HDAC9: variants seen among roughly 807,000 people sequenced by gnomAD.
The protein encoded by HDAC9 is MEF-2 interacting transcription repressor (MITR) protein.
HDAC9 carries 41 observed loss-of-function variants against 139.4 expected under a neutral mutation model. The observed-to-expected ratio is 0.29, with a 90% CI of 0.23 to 0.38. The LOEUF is 0.38. HDAC9 is among the 10% of genes least tolerant of loss of function. HDAC9 has a pLI of 1.00. For missense variants in HDAC9, 1,147 were observed against 1,297.0 expected (o/e 0.88, Z 1.78); for synonymous variants, 517 against 476.2 (o/e 1.09, Z -1.12).
intron 22 of HDAC9, among the ~76,000 whole-genome samples, chr7:18,919,399 A>G (rs1217765920): frequency 6.6e-6 from 1 of 152,002 alleles, no homozygotes; most frequent in South Asian, 2.1e-4. Flanking sequence ...CACTTAAGCA[A>G]TCTTCCTAGA....
Position 18,298,433 on chromosome 7 carries a change from C to G in HDAC9, c.-42+7918C>G, listed in dbSNP as rs191987084. On this transcript the variant is annotated intron_variant, in intron 1 of 3. Transcript: ENST00000413509. The stretch of plus-strand genomic sequence containing the variant: ...GTATATCTTCCAATGCTATCCCTCC[C>G]CGCTCCCCACCCCACCACAGTCCCC... 2.6e-5 allele frequency among the ~76,000 whole-genome samples: 4 copies of G among 152,154 alleles called. No individual in the cohort carries two copies. The East Asian group carries it at 7.7e-4, about 29-fold the overall frequency.
chr7:18,630,816 TG>T (rs1401055123), intron 7 of HDAC9, among the ~76,000 whole-genome samples: 1 of 152,016 alleles, frequency 6.6e-6, no homozygotes, highest in East Asian at 1.9e-4. Flanking sequence ...AGGTCTTTGA[TG>T]GGGGTGGGCA....
intron 13 of HDAC9, among the ~76,000 whole-genome samples, chr7:18,738,187 C>T (rs1377089209): frequency 6.6e-6 from 1 of 152,182 alleles, no homozygotes; most frequent in Non-Finnish European, 1.5e-5. Context: ...GAATACAGCA[C>T]ACTGATGGAT....
At chr7:18,722,768 G>A (rs1785234723) in intron 12 of HDAC9, among the ~76,000 whole-genome samples, 2 of 152,122 alleles carry the variant, frequency 1.3e-5, no homozygotes, top group Admixed American at 6.5e-5. Flanking sequence ...TTGTAAAAGT[G>A]TATAATTGCA....
chr7:18,268,005 C>T (rs577901332), intron 2 of HDAC9, among the ~76,000 whole-genome samples: 2 of 152,218 alleles, frequency 1.3e-5, no homozygotes, highest in Admixed American at 1.3e-4. Context: ...TGATAGAATG[C>T]TGAGCACCCT....
At chr7:18,459,715 G>C (rs530281440) in intron 1 of HDAC9, among the ~76,000 whole-genome samples, 1 of 152,180 alleles carries the variant, frequency 6.6e-6, no homozygotes, top group East Asian at 1.9e-4. Context: ...AGTTCTCTAA[G>C]GATAGTGTGT....
intron 17 of HDAC9, among the ~76,000 whole-genome samples, chr7:18,801,957 C>G (rs1279443680): frequency 6.6e-6 from 1 of 151,750 alleles, no homozygotes; most frequent in Non-Finnish European, 1.5e-5. Context: ...TCCTCTTTTT[C>G]TTGATCAACT....
chr7:18,930,970 A>T (rs1804690249), intron 22 of HDAC9, among the ~76,000 whole-genome samples: 1 of 152,042 alleles, frequency 6.6e-6, no homozygotes, highest in Non-Finnish European at 1.5e-5. Context: ...TAATCCAGTG[A>T]TTTGGTTTGT....
chr7:18,901,379 G>A (rs534867859), intron 22 of HDAC9, among the ~76,000 whole-genome samples: 13 of 151,660 alleles, frequency 8.6e-5, no homozygotes, highest in South Asian at 4.2e-4. Context: ...TTTTCCAAAC[G>A]CCTGTTATTT....
intron 22 of HDAC9, among the ~76,000 whole-genome samples, chr7:18,878,582 T>C (rs983565364): frequency 2.0e-5 from 3 of 152,218 alleles, no homozygotes; most frequent in South Asian, 2.1e-4. Flanking sequence ...TCAATAGACA[T>C]AGAAAAGGCT....
intron 12 of HDAC9, among the ~76,000 whole-genome samples, chr7:18,718,812 G>T (rs7784004): frequency 0.042 from 6,401 of 152,176 alleles, 488 homozygotes; most frequent in African/African-American, 0.15. Flanking sequence ...CTGGGTCATA[G>T]GGTAACTTTA....
At chr7:18,477,410 C>CGTGCGTGT (rs1563027201) in intron 1 of HDAC9, among the ~76,000 whole-genome samples, 2 of 150,990 alleles carry the variant, frequency 1.3e-5, no homozygotes, top group African/African-American at 4.9e-5. Context: ...TGCGTGCATG[C>CGTGCGTGT]GTGTGTGTGT....
intron 21 of HDAC9, among the ~76,000 whole-genome samples, chr7:18,867,883 C>G (rs984959033): frequency 6.6e-6 from 1 of 151,964 alleles, no homozygotes; most frequent in Non-Finnish European, 1.5e-5. Context: ...CTCTTCTGGG[C>G]GATTTCTTCA....
intron 16 of HDAC9, among the ~76,000 whole-genome samples, chr7:18,791,505 G>A (rs1197420091): frequency 6.6e-6 from 1 of 152,068 alleles, no homozygotes; most frequent in Non-Finnish European, 1.5e-5. Flanking sequence ...ATTTATATTG[G>A]TTCAGTAAAA....
In HDAC9 at chr7:18,835,749, C is replaced by T. The variant is rs1585125958; in HGVS notation, c.2587-151C>T. ...AACCAGTGCAGAACAAGTGCATAAC[C>T]CAGAGCACTGTTTGTCAGGGAAGGT... On this transcript the variant is annotated intron_variant, in intron 20 of 25. Transcript: ENST00000686413. 2.2e-5 allele frequency: 23 copies of T among 1,060,696 alleles called. No homozygotes were observed. The East Asian group carries it at 5.3e-4, about 25-fold the overall frequency. 65.7% of individuals were successfully genotyped at this position (1,060,696 alleles called of 1,614,324 possible).
At chr7:18,672,141 A>G (rs995687312) in intron 12 of HDAC9, among the ~76,000 whole-genome samples, 1 of 151,998 alleles carries the variant, frequency 6.6e-6, no homozygotes, top group African/African-American at 2.4e-5. Flanking sequence ...CCTGTTTTCC[A>G]TGTAGCTGAA....
intron 2 of HDAC9, among the ~76,000 whole-genome samples, chr7:18,575,467 C>G (rs1358169372): frequency 1.3e-5 from 2 of 152,184 alleles, no homozygotes; most frequent in African/African-American, 4.8e-5. Flanking sequence ...GTGACCTATA[C>G]TGGGTTATCC....
At chr7:18,145,591 T>C (rs999012412) in intron 1 of HDAC9, among the ~76,000 whole-genome samples, 2 of 152,170 alleles carry the variant, frequency 1.3e-5, no homozygotes, top group African/African-American at 4.8e-5. Flanking sequence ...ATTGAATGAC[T>C]ATATATTAGT....
intron 12 of HDAC9, among the ~76,000 whole-genome samples, chr7:18,692,572 G>A (rs1300825031): frequency 6.6e-6 from 1 of 152,000 alleles, no homozygotes; most frequent in Non-Finnish European, 1.5e-5. Context: ...AGAAGATTTG[G>A]ATGTAAATCT....
Sources: allele counts gnomAD v4.1 joint callset (sites outside exome capture counted in the v4.1 genomes callset), GRCh38; gene constraint gnomAD v4.1.1; transcripts MANE v1.5; gene names NCBI Gene and HGNC (gene_info 2026-07-23, HGNC 2026-07-21).